Variants in CNTN3 observed in about 807,000 individuals in gnomAD.
CNTN3 encodes the protein contactin 3.
Under a neutral mutation model 119.1 loss-of-function variants are expected in CNTN3, and 60 were observed. The observed-to-expected ratio is 0.50, with a 90% confidence interval of 0.41 to 0.62. CNTN3 has a LOEUF of 0.62. Ranked by LOEUF, CNTN3 falls within the 20% of genes least tolerant of loss-of-function variation. The pLI is 0.00. For synonymous variants in CNTN3, 450 were observed against 438.7 expected (o/e 1.03, Z -0.32); for missense variants, 1,101 against 1,242.4 (o/e 0.89, Z 1.71).
intron 1 of CNTN3, among the ~76,000 whole-genome samples, chr3:74,589,989 A>G (rs1704672272): frequency 6.7e-6 from 1 of 149,136 alleles, no homozygotes; most frequent in Non-Finnish European, 1.5e-5. Context: ...GGATAGCATT[A>G]GGAGATATAC....
intron 11 of CNTN3, among the ~76,000 whole-genome samples, chr3:74,356,059 T>C (rs1703927494): frequency 6.6e-6 from 1 of 152,010 alleles, no homozygotes; most frequent in Admixed American, 6.5e-5. Context: ...GGGGGGCCTT[T>C]GGGAAGTTAT....
chr3:74,386,000 C>A (rs1365409423), intron 5 of CNTN3, among the ~76,000 whole-genome samples: 3 of 151,930 alleles, frequency 2.0e-5, no homozygotes, highest in Non-Finnish European at 4.4e-5. Context: ...ATTTTTTCCT[C>A]AAAAAAGTAT....
chr3:74,416,988 A>T (rs13090164), intron 5 of CNTN3, among the ~76,000 whole-genome samples: 87,946 of 144,994 alleles, frequency 0.61, 28,552 homozygotes, highest in East Asian at 0.79. Context: ...ATTCTAAAAT[A>T]AAAAAAAAAA....
chr3:74,402,632 A>G (rs1705227243), intron 5 of CNTN3, among the ~76,000 whole-genome samples: 1 of 152,202 alleles, frequency 6.6e-6, no homozygotes, highest in Non-Finnish European at 1.5e-5. Flanking sequence ...AAACTTTAGC[A>G]AAGCCCTAAT....
At chr3:74,474,087 T>C (rs1384373579) in intron 4 of CNTN3, among the ~76,000 whole-genome samples, 4 of 152,110 alleles carry the variant, frequency 2.6e-5, no homozygotes, top group Non-Finnish European at 5.9e-5. Context: ...TTACAGGATA[T>C]GTCAGAAGCT....
chr3:74,442,982 C>T (rs898285651), intron 4 of CNTN3, among the ~76,000 whole-genome samples: 19 of 152,194 alleles, frequency 1.2e-4, no homozygotes, highest in African/African-American at 4.3e-4. Flanking sequence ...CAATATCTGC[C>T]TCCAATGAAG....
intron 5 of CNTN3, among the ~76,000 whole-genome samples, chr3:74,382,658 T>C (rs967070391): frequency 6.6e-5 from 10 of 152,240 alleles, no homozygotes; most frequent in Non-Finnish European, 1.3e-4. Flanking sequence ...CTTAGCGTAA[T>C]GTCTTCCAGG....
intron 5 of CNTN3, among the ~76,000 whole-genome samples, chr3:74,395,896 T>A (rs1705037474): frequency 6.6e-6 from 1 of 152,224 alleles, no homozygotes; most frequent in Non-Finnish European, 1.5e-5. Context: ...TTTAAAACGT[T>A]TTCATTATTA....
At chr3:74,590,934 T>C (rs1278138127) in intron 1 of CNTN3, among the ~76,000 whole-genome samples, 1 of 151,936 alleles carries the variant, frequency 6.6e-6, no homozygotes, top group Admixed American at 6.6e-5. Flanking sequence ...TATAAATATA[T>C]ACAAATATAC....
rs1034374036 is a variant in CNTN3, at chr3:74,450,416, ATCT to A, written c.359-25479_359-25477del. 2.0e-4 allele frequency among the ~76,000 whole-genome samples: 30 copies of A among 151,740 alleles called. 1 individual carries two copies. The highest frequency in any genetic ancestry group is 4.0e-4 in the Non-Finnish European group (27 of 67,946). On this transcript the variant is annotated intron_variant, in intron 4 of 22. Transcript: ENST00000263665. The stretch of plus-strand genomic sequence containing the variant: ...TCCCTATAAAGGTCTATGTACAAAG[ATCT>A]TCTCTGCAGTGCTATTTACAAAAGA...
intron 1 of CNTN3, among the ~76,000 whole-genome samples, chr3:74,546,418 A>T (rs530365298): frequency 3.9e-5 from 6 of 152,310 alleles, no homozygotes; most frequent in Admixed American, 1.3e-4. Context: ...AAGGAGATTA[A>T]CATTTGAGTC....
At chr3:74,553,846 A>C (rs1231229910) in intron 1 of CNTN3, among the ~76,000 whole-genome samples, 1 of 151,746 alleles carries the variant, frequency 6.6e-6, no homozygotes, top group Admixed American at 6.6e-5. Context: ...GATTGCAAAA[A>C]TTTTCTCCCA....
At chr3:74,606,846 A>C (rs747144950) in intron 1 of CNTN3, among the ~76,000 whole-genome samples, 4 of 152,172 alleles carry the variant, frequency 2.6e-5, no homozygotes, top group Non-Finnish European at 5.9e-5. Flanking sequence ...TAATGTTGCC[A>C]CTAAAGTTTA....
chr3:74,510,069 A>G (rs1344612956), intron 2 of CNTN3, among the ~76,000 whole-genome samples: 1 of 150,916 alleles, frequency 6.6e-6, no homozygotes, highest in Non-Finnish European at 1.5e-5. Flanking sequence ...ATGAAAACTT[A>G]GTAAATTAGC....
intron 4 of CNTN3, among the ~76,000 whole-genome samples, chr3:74,479,342 G>C (rs1226393511): frequency 6.6e-6 from 1 of 152,016 alleles, no homozygotes; most frequent in African/African-American, 2.4e-5. Context: ...TGCCATAATA[G>C]AAAACTAGGG....
chr3:74,309,304 C>T (rs1379797026), intron 13 of CNTN3, among the ~76,000 whole-genome samples: 1 of 151,998 alleles, frequency 6.6e-6, no homozygotes, highest in African/African-American at 2.4e-5. Flanking sequence ...GGGGTTTCAC[C>T]ATATTGGCCA....
intron 5 of CNTN3, among the ~76,000 whole-genome samples, chr3:74,408,817 T>A (rs922807541): frequency 6.6e-6 from 1 of 152,208 alleles, no homozygotes; most frequent in Non-Finnish European, 1.5e-5. Flanking sequence ...ATCTCTCCTT[T>A]GTCTTCTAAC....
chr3:74,393,514 T>C (rs1285235539), intron 5 of CNTN3, among the ~76,000 whole-genome samples: 3 of 152,166 alleles, frequency 2.0e-5, no homozygotes, highest in Non-Finnish European at 2.9e-5. Flanking sequence ...GCAGAGGGAG[T>C]GTTATTAGGG....
At chr3:74,300,412 A>C (rs1027601881) in intron 16 of CNTN3, among the ~76,000 whole-genome samples, 5 of 152,204 alleles carry the variant, frequency 3.3e-5, no homozygotes, top group African/African-American at 1.2e-4. Context: ...TCAGATTCTC[A>C]CACTGAGAAC....
Sources: allele counts gnomAD v4.1 joint callset (sites outside exome capture counted in the v4.1 genomes callset), GRCh38; gene constraint gnomAD v4.1.1; transcripts MANE v1.5; gene names NCBI Gene and HGNC (gene_info 2026-07-23, HGNC 2026-07-21).